The following RGS6 variants were observed in gnomAD, a reference collection of about 807,000 sequenced individuals.
RGS6 encodes regulator of G-protein signaling 6.
In RGS6, 30 loss-of-function variants were observed where a neutral mutation model predicts 78.5. The ratio of observed to expected loss-of-function variants is 0.38; its 90% CI spans 0.29 to 0.52. RGS6 has a LOEUF of 0.52. Ranked by LOEUF, RGS6 falls within the 20% of genes least tolerant of loss-of-function variation. RGS6 has a pLI of 0.85. For missense variants in RGS6, 495 were observed against 609.7 expected, an observed-to-expected ratio of 0.81 and a Z score of 1.98; for synonymous variants, 206 against 206.0, an observed-to-expected ratio of 1.00 and a Z score of 0.00.
chr14:72,583,503 G>T, the RGS6 span, among the ~76,000 whole-genome samples: 1 of 152,140 alleles, frequency 6.6e-6, no homozygotes, highest in East Asian at 1.9e-4. Flanking sequence ...TGACACATTT[G>T]TCCACTCTCC....
At chr14:72,146,241 T>C (rs547559147) in intron 2 of RGS6, among the ~76,000 whole-genome samples, 6 of 152,314 alleles carry the variant, frequency 3.9e-5, no homozygotes, top group Non-Finnish European at 8.8e-5. Flanking sequence ...CCTCATGACC[T>C]AACCACCTCT....
At chr14:72,436,777 T>C (rs967725012) in intron 3 of RGS6, among the ~76,000 whole-genome samples, 1 of 152,182 alleles carries the variant, frequency 6.6e-6, no homozygotes, top group African/African-American at 2.4e-5. Context: ...AAAACCAATG[T>C]CTGTAAGGAA....
chr14:71,975,292 T>C (rs894567260), intron 2 of RGS6, among the ~76,000 whole-genome samples: 3 of 152,268 alleles, frequency 2.0e-5, no homozygotes, highest in Middle Eastern at 3.2e-3. Flanking sequence ...GTTGGGCAGT[T>C]GGCTGTAAGT....
At position 72,436,586 on chromosome 14, in the gene RGS6, G is replaced by A. The variant is rs1416977462; in HGVS notation, c.185-17942G>A. On this transcript the variant is annotated intron_variant, in intron 3 of 17. Coordinates refer to ENST00000553525, the MANE Select transcript of RGS6 (RefSeq NM_001204424.2). The stretch of plus-strand genomic sequence containing the variant: ...TCTTACTCCCCGGAGAATCAGGTGG[G>A]CAGAAATGGGCTACTGACCTATCAA... 2.6e-5 allele frequency among the ~76,000 whole-genome samples: 4 copies of A among 152,154 alleles called. No homozygotes were observed. In the South Asian group the frequency reaches 6.2e-4, roughly 24 times the overall value.
chr14:71,875,033 G>A, the RGS6 span, among the ~76,000 whole-genome samples: 3 of 152,292 alleles, frequency 2.0e-5, no homozygotes, highest in East Asian at 3.9e-4. Context: ...TGTGCTACTG[G>A]ATTCGGTTTG....
At chr14:72,117,658 A>G (rs1330389018) in intron 2 of RGS6, among the ~76,000 whole-genome samples, 1 of 152,162 alleles carries the variant, frequency 6.6e-6, no homozygotes, top group Admixed American at 6.5e-5. Context: ...GACAGCCACA[A>G]CATGGGGGAC....
chr14:72,039,813 ATT>A lies in RGS6; in HGVS notation c.84+74956_84+74957del, dbSNP rs3053082. Among the ~76,000 whole-genome samples the A allele has an allele frequency of 4.1e-3, 283 of 68,872 alleles. 1 individual carries two copies. The highest frequency in any genetic ancestry group is 0.015 in the African/African-American group (264 of 17,352). 45.2% of individuals were successfully genotyped at this position (68,872 alleles called of 152,430 possible). Reference sequence around the variant, plus strand: ...TGCTGCCTTCTTTTGTGTTTCATTGATTTTTTTTTTTTTTTTTTTGGTGACAT... The same window carrying A: ...TGCTGCCTTCTTTTGTGTTTCATTGATTTTTTTTTTTTTTTTTGGTGACAT... On this transcript the variant is annotated intron_variant, in intron 2 of 17. Transcript: ENST00000553525.
intron 17 of RGS6, among the ~76,000 whole-genome samples, chr14:72,548,101 A>G (rs1219721275): frequency 1.3e-5 from 2 of 152,034 alleles, no homozygotes; most frequent in African/African-American, 4.8e-5. Context: ...TAATCCGTCT[A>G]TGTCCGCTGG....
At chr14:72,530,961 G>C (rs1859475) in intron 15 of RGS6, among the ~76,000 whole-genome samples, 31,693 of 148,844 alleles carry the variant, frequency 0.21, 4,226 homozygotes, top group African/African-American at 0.39. Context: ...TAATATCTGA[G>C]CCTGTGCTAG....
intron 2 of RGS6, among the ~76,000 whole-genome samples, chr14:72,102,229 A>G (rs2153527582): frequency 6.6e-6 from 1 of 152,340 alleles, no homozygotes; most frequent in South Asian, 2.1e-4. Context: ...GTTGAAAAAG[A>G]TTCTAATTCC....
chr14:72,489,178 C>T (rs1450925703), intron 12 of RGS6, among the ~76,000 whole-genome samples: 1 of 144,154 alleles, frequency 6.9e-6, no homozygotes, highest in Non-Finnish European at 1.5e-5. Flanking sequence ...GCTGTTTGCT[C>T]ATCTCAGATT....
the RGS6 span, among the ~76,000 whole-genome samples, chr14:71,872,750 C>T: frequency 2.6e-5 from 4 of 152,106 alleles, no homozygotes; most frequent in Non-Finnish European, 4.4e-5. Context: ...CCCATTAACT[C>T]GTCATTTACA....
At chr14:72,397,586 G>A (rs999290897) in intron 3 of RGS6, among the ~76,000 whole-genome samples, 18 of 152,012 alleles carry the variant, frequency 1.2e-4, no homozygotes, top group Non-Finnish European at 2.2e-4. Context: ...CCAACACTAT[G>A]TTGAATAGGA....
chr14:71,886,078 G>C, the RGS6 span, among the ~76,000 whole-genome samples: 3 of 151,752 alleles, frequency 2.0e-5, no homozygotes, highest in Admixed American at 6.6e-5. Flanking sequence ...TCTGAATAAG[G>C]GAAATTGATC....
intron 2 of RGS6, among the ~76,000 whole-genome samples, chr14:72,017,110 G>T (rs1332099474): frequency 6.6e-6 from 1 of 152,050 alleles, no homozygotes; most frequent in Non-Finnish European, 1.5e-5. Context: ...ATAGCTAACT[G>T]CAGCCTCAAC....
rs185316414 is a variant in RGS6 at position 72,164,910 on chromosome 14, C to T, written c.85-187185C>T. On this transcript the variant is annotated intron_variant, in intron 2 of 17. Coordinates refer to ENST00000553525, the MANE Select transcript of RGS6 (RefSeq NM_001204424.2). ...AAAGGTGATGGCTGACTGTGCCTGC[C>T]GTCATTTTTTTCTATTTATAAAATC... Among the ~76,000 whole-genome samples, 459 of 152,186 alleles carry T rather than the reference C, an allele frequency of 3.0e-3. 1 individual carries two copies. Among genetic ancestry groups the T allele is most frequent in the African/African-American group, 0.01 (431 of 41,506 alleles).
intron 2 of RGS6, among the ~76,000 whole-genome samples, chr14:72,237,075 T>C (rs548054043): frequency 6.6e-6 from 1 of 152,368 alleles, no homozygotes; most frequent in East Asian, 1.9e-4. Context: ...TCATATAGTA[T>C]GTACTATTTG....
At chr14:72,156,788 C>G (rs963328837) in intron 2 of RGS6, among the ~76,000 whole-genome samples, 1 of 152,180 alleles carries the variant, frequency 6.6e-6, no homozygotes, top group Non-Finnish European at 1.5e-5. Flanking sequence ...AGGCTGCAGC[C>G]TGATTGGCGT....
chr14:72,144,965 C>T (rs1420002608), intron 2 of RGS6, among the ~76,000 whole-genome samples: 1 of 151,954 alleles, frequency 6.6e-6, no homozygotes. Flanking sequence ...GGTAGGGGCT[C>T]AGGAAGCGAG....
Sources: gnomAD v4.1 joint callset for allele counts (sites outside exome capture counted in the v4.1 genomes callset) on GRCh38, gnomAD v4.1.1 for gene constraint, MANE v1.5 for transcripts, NCBI Gene and HGNC (gene_info 2026-07-23, HGNC 2026-07-21) for gene names.